Variants in SEM1 observed in about 807,000 individuals in gnomAD.
SEM1 encodes the protein SEM1 26S proteasome subunit.
In SEM1, 3 loss-of-function variants were observed where a neutral mutation model predicts 12.7. The ratio of observed to expected loss-of-function variants is 0.24; its 90% CI spans 0.11 to 0.61. The LOEUF (loss-of-function observed/expected upper bound fraction) is 0.61, where lower values mean the gene tolerates loss of function less well. Ranked by LOEUF, SEM1 falls within the 20% of genes least tolerant of loss-of-function variation. The probability of loss-of-function intolerance (pLI) is 0.88; values close to 1 mark genes in which losing one functional copy is unlikely to be tolerated. For missense variants in SEM1, 59 were observed against 81.3 expected, an observed-to-expected ratio of 0.73 and a Z score of 1.06; for synonymous variants, 30 against 27.8, an observed-to-expected ratio of 1.08 and a Z score of -0.25.
intron 2 of SEM1, among the ~76,000 whole-genome samples, chr7:96,596,403 A>G (rs1035921509): frequency 1.3e-5 from 2 of 152,188 alleles, no homozygotes; most frequent in Admixed American, 1.3e-4. Flanking sequence ...GCAAATGACA[A>G]GAAGCATTTG....
At chr7:96,554,674 C>G (rs571589694) in intron 2 of SEM1, among the ~76,000 whole-genome samples, 7 of 151,628 alleles carry the variant, frequency 4.6e-5, no homozygotes, top group African/African-American at 1.7e-4. Context: ...TGTTGTGTCT[C>G]TGCCCGGCTT....
At chr7:96,552,334 C>G (rs936441182) in intron 2 of SEM1, among the ~76,000 whole-genome samples, 1 of 152,132 alleles carries the variant, frequency 6.6e-6, no homozygotes. Context: ...AGTGCTATCC[C>G]TCCCCCTCCC....
intron 2 of SEM1, among the ~76,000 whole-genome samples, chr7:96,546,002 T>C (rs1229276104): frequency 6.6e-6 from 1 of 152,136 alleles, no homozygotes; most frequent in African/African-American, 2.4e-5. Flanking sequence ...TGCATATTTG[T>C]ACCCCATCCT....
At chr7:96,486,108 T>C (rs1196425773) in intron 2 of SEM1, 9 of 837,436 alleles carry the variant, frequency 1.1e-5, no homozygotes, top group South Asian at 3.4e-5. Context: ...ACAATGTTGC[T>C]GGCCTTTAGT....
At chr7:96,599,566 T>C (rs1807128587) in intron 2 of SEM1, among the ~76,000 whole-genome samples, 2 of 152,184 alleles carry the variant, frequency 1.3e-5, no homozygotes, top group African/African-American at 4.8e-5. Context: ...TGATAATGTC[T>C]CATCTTTATA....
At chr7:96,561,877 G>T (rs1392045912) in intron 2 of SEM1, among the ~76,000 whole-genome samples, 2 of 152,114 alleles carry the variant, frequency 1.3e-5, no homozygotes, top group African/African-American at 4.8e-5. Context: ...GGAAAAGTCA[G>T]GAATCCACCC....
intron 2 of SEM1, among the ~76,000 whole-genome samples, chr7:96,599,990 C>T (rs75638618): frequency 0.014 from 2,095 of 152,306 alleles, 42 homozygotes; most frequent in African/African-American, 0.048. Context: ...CAGGAACACG[C>T]GAGTCTGTTG....
At chr7:96,520,130 T>TCATACATA (rs952016403) in intron 2 of SEM1, among the ~76,000 whole-genome samples, 2 of 152,052 alleles carry the variant, frequency 1.3e-5, no homozygotes, top group African/African-American at 2.4e-5. Context: ...TGAAGTAGGA[T>TCATACATA]CATACATACA....
At chr7:96,693,966 T>C (rs1790012049) in intron 2 of SEM1, among the ~76,000 whole-genome samples, 1 of 151,916 alleles carries the variant, frequency 6.6e-6, no homozygotes, top group Non-Finnish European at 1.5e-5. Flanking sequence ...TTATTATAAA[T>C]TGGAATATAC....
downstream of SEM1, among the ~76,000 whole-genome samples, chr7:96,686,980 T>C (rs1338818779): frequency 6.6e-6 from 1 of 152,084 alleles, no homozygotes; most frequent in Non-Finnish European, 1.5e-5. Context: ...GTGAAGGATA[T>C]GAACAGACAC....
chr7:96,558,534 G>T (rs1211250329), intron 2 of SEM1, among the ~76,000 whole-genome samples: 1 of 152,124 alleles, frequency 6.6e-6, no homozygotes, highest in Non-Finnish European at 1.5e-5. Context: ...GGGAGGAGCT[G>T]CAGTAAAGTT....
chr7:96,618,326 G>A (rs530945698), downstream of SEM1, among the ~76,000 whole-genome samples: 20 of 152,128 alleles, frequency 1.3e-4, no homozygotes, highest in South Asian at 2.1e-4. Flanking sequence ...CTTAAAATTC[G>A]TTTTTTCACT....
chr7:96,604,286 A>G (rs746649084), intron 2 of SEM1, among the ~76,000 whole-genome samples: 1 of 152,196 alleles, frequency 6.6e-6, no homozygotes, highest in African/African-American at 2.4e-5. Flanking sequence ...GACTTTTTGT[A>G]TGGAATGAAG....
At chr7:96,552,589 ATTG>A (rs1805319773) in intron 2 of SEM1, among the ~76,000 whole-genome samples, 1 of 146,454 alleles carries the variant, frequency 6.8e-6, no homozygotes, top group African/African-American at 2.5e-5. Flanking sequence ...CCAGTCTATC[ATTG>A]TTGGACATTT....
At chr7:96,684,762 C>T (rs1049927801), downstream of SEM1, among the ~76,000 whole-genome samples, 1 of 151,994 alleles carries the variant, frequency 6.6e-6, no homozygotes, top group Non-Finnish European at 1.5e-5. Flanking sequence ...TTAACTCAGA[C>T]ATGGAGAGGT....
At chr7:96,611,309 T>C (rs145469321) in intron 2 of SEM1, among the ~76,000 whole-genome samples, 1 of 152,314 alleles carries the variant, frequency 6.6e-6, no homozygotes, top group African/African-American at 2.4e-5. Flanking sequence ...TTTTCTCCTA[T>C]TGATCTGCCT....
chr7:96,542,369 G>A (rs911948012), intron 2 of SEM1, among the ~76,000 whole-genome samples: 1 of 151,736 alleles, frequency 6.6e-6, no homozygotes, highest in Admixed American at 6.6e-5. Context: ...TGTTGTAAAT[G>A]GTATTGTATT....
chr7:96,709,383 G>A (rs1790575458), intron 1 of SEM1, among the ~76,000 whole-genome samples: 1 of 152,216 alleles, frequency 6.6e-6, no homozygotes, highest in South Asian at 2.1e-4. Context: ...TTTAAGTGGT[G>A]AGTAACCCAG....
intron 2 of SEM1, among the ~76,000 whole-genome samples, chr7:96,535,056 T>C (rs1002678079): frequency 6.6e-6 from 1 of 151,998 alleles, no homozygotes; most frequent in Non-Finnish European, 1.5e-5. Flanking sequence ...ATGGTTTGCA[T>C]AGCAAAATTA....
Sources: allele counts gnomAD v4.1 joint callset (sites outside exome capture counted in the v4.1 genomes callset), GRCh38; gene constraint gnomAD v4.1.1; transcripts MANE v1.5; gene names NCBI Gene and HGNC (gene_info 2026-07-23, HGNC 2026-07-21).